The following LIPC variants were observed in gnomAD, a reference collection of about 807,000 sequenced individuals.
LIPC encodes the protein lipase C, hepatic type.
LIPC carries 44 observed loss-of-function variants against 50.7 expected under a neutral mutation model. The ratio of observed to expected loss-of-function variants is 0.87; its 90% CI spans 0.68 to 1.11. LIPC has a LOEUF of 1.11. LIPC is among the 50% of genes most tolerant of loss of function. LIPC has a pLI of 0.00. For synonymous variants in LIPC, 271 were observed against 256.4 expected, an observed-to-expected ratio of 1.06 and a Z score of -0.54; for missense variants, 697 against 648.2, an observed-to-expected ratio of 1.08 and a Z score of -0.82.
chr15:58,557,115 T>C (rs1300178797), intron 6 of LIPC, among the ~76,000 whole-genome samples: 1 of 152,174 alleles, frequency 6.6e-6, no homozygotes, highest in African/African-American at 2.4e-5. Flanking sequence ...ATAAAGCTAG[T>C]GGTCCTGGGT....
chr15:58,484,749 C>A (rs1400080602), intron 1 of LIPC, among the ~76,000 whole-genome samples: 2 of 152,122 alleles, frequency 1.3e-5, no homozygotes, highest in African/African-American at 4.8e-5. Flanking sequence ...CACACTTTCT[C>A]GCCAAATTCA....
At chr15:58,446,371 T>A (rs930600661) in intron 1 of LIPC, among the ~76,000 whole-genome samples, 1 of 152,188 alleles carries the variant, frequency 6.6e-6, no homozygotes, top group Admixed American at 6.5e-5. Context: ...TTCTCCTACA[T>A]AGCCCCAGTA....
At chr15:58,461,344 C>G (rs1400800396) in intron 1 of LIPC, among the ~76,000 whole-genome samples, 1 of 152,104 alleles carries the variant, frequency 6.6e-6, no homozygotes, top group Admixed American at 6.5e-5. Context: ...GAAACTTGCC[C>G]AAAGTCACAA....
chr15:58,538,464 G>C lies in LIPC; in HGVS notation c.220G>C (p.Glu74Gln), dbSNP rs1893213404. Reference sequence around the variant, plus strand: ...AATCAATCATCCGGACACGTTACAGGAGTGCGGCTTCAACTCCTCCCTGCC... The same window carrying C: ...AATCAATCATCCGGACACGTTACAGCAGTGCGGCTTCAACTCCTCCCTGCC... ...IRINHPDTLQ[E>Q]CGFNSSLPLV... The change falls in exon 2 of 9, where the codon GAG becomes CAG. Residue 74 changes from glutamate (E) to glutamine (Q), a missense_variant. Glu to Gln is a conservative substitution (Grantham distance 29). Coordinates refer to ENST00000299022, the MANE Select transcript of LIPC (RefSeq NM_000236.3). The C allele has an allele frequency of 6.2e-7, 1 of 1,614,096 alleles. No homozygotes were observed. Among genetic ancestry groups the C allele is most frequent in the East Asian group, 2.2e-5 (1 of 44,900 alleles).
chr15:58,432,845 TA>T (rs1195670962), intron 1 of LIPC, among the ~76,000 whole-genome samples: 1 of 152,202 alleles, frequency 6.6e-6, no homozygotes, highest in Non-Finnish European at 1.5e-5. Flanking sequence ...TTTGTTTTGG[TA>T]CTGGTTACTG....
chr15:58,565,780 T>A, intron 8 of LIPC: 1 of 987,078 alleles, frequency 1.0e-6, no homozygotes, highest in Non-Finnish European at 1.2e-6. Context: ...CATTAACATA[T>A]GTATGCATCA....
chr15:58,542,751 C>T (rs1893378180), intron 4 of LIPC, 100 bp downstream of exon 4: 3 of 793,574 alleles, frequency 3.8e-6, no homozygotes, highest in African/African-American at 1.7e-5. Context: ...CACCCCAACA[C>T]TTATTGTGAG....
chr15:58,529,290 G>T (rs908197047), intron 1 of LIPC, among the ~76,000 whole-genome samples: 1 of 152,206 alleles, frequency 6.6e-6, no homozygotes, highest in Non-Finnish European at 1.5e-5. Context: ...CTCCTGGGGA[G>T]CCTCCCTGGC....
At chr15:58,559,876 G>T (rs748762937) in intron 6 of LIPC, among the ~76,000 whole-genome samples, 1 of 152,164 alleles carries the variant, frequency 6.6e-6, no homozygotes, top group Non-Finnish European at 1.5e-5. Flanking sequence ...TTTCAAAACA[G>T]CTCCATAGCT....
chr15:58,488,551 A>T (rs1196137071), intron 1 of LIPC, among the ~76,000 whole-genome samples: 1 of 152,196 alleles, frequency 6.6e-6, no homozygotes, highest in Non-Finnish European at 1.5e-5. Flanking sequence ...TTAGTCCCAC[A>T]TTCATTTCTT....
At chr15:58,506,237 T>C (rs1317041432) in intron 1 of LIPC, among the ~76,000 whole-genome samples, 1 of 152,160 alleles carries the variant, frequency 6.6e-6, no homozygotes, top group African/African-American at 2.4e-5. Flanking sequence ...AGGAGACTTC[T>C]ATGACACCCT....
intron 1 of LIPC, among the ~76,000 whole-genome samples, chr15:58,497,369 G>A (rs1373555007): frequency 1.3e-5 from 2 of 152,106 alleles, no homozygotes; most frequent in African/African-American, 2.4e-5. Flanking sequence ...GGGGAAGTCA[G>A]GCTGTGTTTA....
At chr15:58,551,115 G>C (rs1893744495) in intron 6 of LIPC, among the ~76,000 whole-genome samples, 2 of 152,088 alleles carry the variant, frequency 1.3e-5, no homozygotes, top group Admixed American at 6.5e-5. Flanking sequence ...GGAATTACAG[G>C]TGTGAGCTAC....
intron 1 of LIPC, among the ~76,000 whole-genome samples, chr15:58,438,901 G>A (rs1416242949): frequency 1.3e-5 from 2 of 152,110 alleles, no homozygotes; most frequent in Non-Finnish European, 2.9e-5. Context: ...TTTTTCCCCA[G>A]TGGGGCTTGG....
chr15:58,513,988 G>C (rs576584380), intron 1 of LIPC, among the ~76,000 whole-genome samples: 1 of 152,322 alleles, frequency 6.6e-6, no homozygotes, highest in East Asian at 1.9e-4. Context: ...TCATTTCCGT[G>C]ACGAGCTGGT....
intron 1 of LIPC, chr15:58,523,299 C>T (rs1184383346): frequency 6.6e-6 from 1 of 152,384 alleles, no homozygotes; most frequent in Non-Finnish European, 1.5e-5. Flanking sequence ...GTGGGGGCCA[C>T]CTTTCCTCTC....
At chr15:58,452,326 C>T (rs186003556) in intron 1 of LIPC, among the ~76,000 whole-genome samples, 320 of 152,308 alleles carry the variant, frequency 2.1e-3, no homozygotes, top group Non-Finnish European at 3.0e-3. Context: ...AGTTTGAGAA[C>T]GTCTGCCTAT....
chr15:58,478,395 T>C (rs1231340725), intron 1 of LIPC, among the ~76,000 whole-genome samples: 1 of 152,052 alleles, frequency 6.6e-6, no homozygotes, highest in Non-Finnish European at 1.5e-5. Context: ...CACACCACCA[T>C]ACCTGGATAA....
chr15:58,533,284 G>C (rs1435421991), intron 1 of LIPC: 14 of 508,078 alleles, frequency 2.8e-5, no homozygotes, highest in African/African-American at 6.3e-5. Context: ...GCTTATCATA[G>C]AGTGGCCAGG....
Sources: gnomAD v4.1 joint callset for allele counts (sites outside exome capture counted in the v4.1 genomes callset) on GRCh38, gnomAD v4.1.1 for gene constraint, MANE v1.5 for transcripts, NCBI Gene and HGNC (gene_info 2026-07-23, HGNC 2026-07-21) for gene names.